Variants in GPHN observed in about 807,000 individuals in gnomAD.
GPHN encodes gephyrin.
A neutral mutation model predicts 95.5 loss-of-function variants in GPHN; 17 were observed. That is an observed-to-expected ratio of 0.18 (90% CI 0.12 to 0.27). GPHN has a LOEUF of 0.27. Among genes scored for constraint, GPHN ranks in the 10% least tolerant of loss-of-function variants. The pLI is 1.00. For missense variants in GPHN, 660 were observed against 978.1 expected (o/e 0.67, Z 4.34); for synonymous variants, 320 against 322.5 (o/e 0.99, Z 0.08).
chr14:66,929,724 T>C (rs1596403185), intron 8 of GPHN, among the ~76,000 whole-genome samples: 1 of 151,946 alleles, frequency 6.6e-6, no homozygotes, highest in Non-Finnish European at 1.5e-5. Context: ...TCTTTTTTTC[T>C]TTTTTGAGAT....
chr14:67,106,122 G>C (rs768571790), intron 13 of GPHN, among the ~76,000 whole-genome samples: 17 of 152,064 alleles, frequency 1.1e-4, no homozygotes, highest in Non-Finnish European at 2.2e-4. Context: ...TTGCTTGTCT[G>C]GGAAAGACTA....
intron 1 of GPHN, among the ~76,000 whole-genome samples, chr14:66,581,597 G>A (rs1417931340): frequency 6.6e-6 from 1 of 151,906 alleles, no homozygotes; most frequent in African/African-American, 2.4e-5. Context: ...AGAAAAGATA[G>A]TGACTGAATC....
At chr14:66,633,951 T>G (rs912674176) in intron 1 of GPHN, among the ~76,000 whole-genome samples, 8 of 137,320 alleles carry the variant, frequency 5.8e-5, no homozygotes, top group East Asian at 2.0e-4. Context: ...TTTCTTTCTG[T>G]TTTTTTTTTT....
At chr14:67,239,323 C>A in the GPHN span, among the ~76,000 whole-genome samples, 2 of 152,106 alleles carry the variant, frequency 1.3e-5, no homozygotes, top group African/African-American at 4.8e-5. Context: ...TCCCCATGAC[C>A]TTTGGTGATG....
the GPHN span, among the ~76,000 whole-genome samples, chr14:67,219,248 A>G: frequency 6.6e-6 from 1 of 152,138 alleles, no homozygotes; most frequent in Non-Finnish European, 1.5e-5. Context: ...TTTGGTAGCA[A>G]TGGGGGCTGG....
intron 1 of GPHN, among the ~76,000 whole-genome samples, chr14:66,545,850 G>T (rs1360587607): frequency 6.7e-6 from 1 of 148,696 alleles, no homozygotes; most frequent in Non-Finnish European, 1.5e-5. Flanking sequence ...GGGGTGGCTG[G>T]CCAGGCGGGG....
At chr14:67,484,607 A>G in the GPHN span, among the ~76,000 whole-genome samples, 1 of 152,176 alleles carries the variant, frequency 6.6e-6, no homozygotes, top group South Asian at 2.1e-4. Flanking sequence ...ATTTTTTAAA[A>G]AGCCAATCCA....
At chr14:67,266,460 G>A in the GPHN span, among the ~76,000 whole-genome samples, 1 of 152,000 alleles carries the variant, frequency 6.6e-6, no homozygotes, top group Non-Finnish European at 1.5e-5. Context: ...CGAGTAGCTG[G>A]GATTACAGGT....
intron 17 of GPHN, 37 bp from the exon 18 acceptor site, chr14:67,143,325 C>A: frequency 7.5e-7 from 1 of 1,330,284 alleles, no homozygotes; most frequent in Non-Finnish European, 1.1e-6. Context: ...AAATCTTTTC[C>A]TTGTGTGTTA....
chr14:66,782,978 C>A (rs2153464763), intron 3 of GPHN, among the ~76,000 whole-genome samples: 1 of 152,286 alleles, frequency 6.6e-6, no homozygotes, highest in Admixed American at 6.5e-5. Context: ...TCCTTATTAT[C>A]TCCTGTATAT....
chr14:67,120,125 CAAA>C (rs1393148851), intron 16 of GPHN, among the ~76,000 whole-genome samples: 4 of 76,186 alleles, frequency 5.3e-5, no homozygotes, highest in Non-Finnish European at 5.4e-5. Context: ...GACTCCATCT[CAAA>C]AAAAAAAAAA....
intron 18 of GPHN, among the ~76,000 whole-genome samples, chr14:67,153,810 C>T (rs1242957381): frequency 3.3e-5 from 5 of 152,068 alleles, no homozygotes; most frequent in African/African-American, 9.7e-5. Context: ...TTCTTCTTCT[C>T]ATATGACTCT....
intron 8 of GPHN, among the ~76,000 whole-genome samples, chr14:66,935,718 G>C (rs192293086): frequency 1.5e-3 from 226 of 151,626 alleles, no homozygotes; most frequent in African/African-American, 5.1e-3. Context: ...ATGTGTTTAT[G>C]TGCACGTATA....
At chr14:66,568,103 TTTA>T (rs1399762648) in intron 1 of GPHN, among the ~76,000 whole-genome samples, 2 of 152,228 alleles carry the variant, frequency 1.3e-5, no homozygotes, top group Non-Finnish European at 2.9e-5. Flanking sequence ...AGGAAGTACT[TTTA>T]TTTCACATTT....
chr14:66,776,413 A>AT (rs757320947), intron 2 of GPHN, 51 bp from the exon 3 acceptor site: 1 of 1,064,040 alleles, frequency 9.4e-7, no homozygotes, highest in East Asian at 2.4e-5. Flanking sequence ...TCTTTCATAC[A>AT]TTTTAAACAC....
the GPHN span, among the ~76,000 whole-genome samples, chr14:67,501,650 T>C: frequency 6.6e-6 from 1 of 152,188 alleles, no homozygotes; most frequent in African/African-American, 2.4e-5. Flanking sequence ...TGAGGTTCTG[T>C]TATGTTTGAA....
chr14:66,878,758 A>C (rs976061033), intron 4 of GPHN, among the ~76,000 whole-genome samples: 18 of 152,148 alleles, frequency 1.2e-4, no homozygotes, highest in South Asian at 8.3e-4. Flanking sequence ...ATGCTTTTAT[A>C]CTGTTGGTGG....
At chr14:67,002,803 A>T (rs928883872) in intron 9 of GPHN, among the ~76,000 whole-genome samples, 1 of 151,592 alleles carries the variant, frequency 6.6e-6, no homozygotes, top group African/African-American at 2.4e-5. Flanking sequence ...ATTTATTGTT[A>T]TATTAAAGGT....
rs1406161672 is a variant in GPHN, at chr14:66,538,821, AAT to A, written c.64+30235_64+30236del. ...CATATATTGTATGTGAAAAACATAC[AAT>A]ATATGTTTTGAAATACAATATATGA... On this transcript the variant is annotated intron_variant, in intron 1 of 22. Transcript: ENST00000478722. Among the ~76,000 whole-genome samples the A allele has an allele frequency of 3.3e-5, 5 of 151,144 alleles. No homozygotes were observed. In the East Asian group the frequency reaches 9.7e-4, roughly 29 times the overall value.
Sources: allele counts gnomAD v4.1 joint callset (sites outside exome capture counted in the v4.1 genomes callset), GRCh38; gene constraint gnomAD v4.1.1; transcripts MANE v1.5; gene names NCBI Gene and HGNC (gene_info 2026-07-23, HGNC 2026-07-21).